Variants in NUBP1 observed in about 807,000 individuals in gnomAD.
NUBP1 encodes the protein cytosolic Fe-S cluster assembly factor NUBP1.
In NUBP1, 46 loss-of-function variants were observed where a neutral mutation model predicts 41.8. The observed-to-expected ratio is 1.10, with a 90% CI of 0.87 to 1.41. The LOEUF (loss-of-function observed/expected upper bound fraction) is 1.41. Among genes scored for constraint, NUBP1 ranks in the 40% most tolerant of loss-of-function variants. The pLI is 0.00. For synonymous variants in NUBP1, 189 were observed against 154.6 expected, an observed-to-expected ratio of 1.22 and a Z score of -1.65; for missense variants, 494 against 414.0, an observed-to-expected ratio of 1.19 and a Z score of -1.68.
intron 7 of NUBP1, 164 bp from the exon 8 acceptor site, chr16:10,761,200 G>A (rs893195924): frequency 5.5e-5 from 31 of 567,862 alleles, no homozygotes; most frequent in African/African-American, 2.1e-4. Flanking sequence ...ATTACAGTTC[G>A]AGCTGAGATT....
intron 5 of NUBP1, 36 bp from the exon 6 acceptor site, chr16:10,756,654 A>G: frequency 1.4e-6 from 2 of 1,474,408 alleles, no homozygotes; most frequent in Non-Finnish European, 1.8e-6. Context: ...GGTTTTGAGT[A>G]AAGCGTGTCT....
chr16:10,755,829 G>A (rs1234930887), intron 5 of NUBP1, 76 bp downstream of exon 5: 1 of 1,386,102 alleles, frequency 7.2e-7, no homozygotes, highest in Non-Finnish European at 1.0e-6. Flanking sequence ...TGGTTTGTTG[G>A]TCCATAGGTA....
chr16:10,744,903 G>T (rs1215925257), intron 2 of NUBP1, among the ~76,000 whole-genome samples: 1 of 151,768 alleles, frequency 6.6e-6, no homozygotes, highest in Non-Finnish European at 1.5e-5. Flanking sequence ...GACTACAGGC[G>T]CCTGCCACCA....
intron 9 of NUBP1, among the ~76,000 whole-genome samples, chr16:10,764,179 G>A (rs2030482660): frequency 6.6e-6 from 1 of 152,230 alleles, no homozygotes; most frequent in Non-Finnish European, 1.5e-5. Flanking sequence ...TCAGCCCACG[G>A]GAGCATCCCA....
chr16:10,747,816 G>A lies in NUBP1; in HGVS notation c.258+540G>A, dbSNP rs146357461. On this transcript the variant is annotated intron_variant, in intron 3 of 10. Transcript: ENST00000283027. ...GGATAGTTTATTACATTACGTTCAC[G>A]CTTCTTTTTCCTCTTTATTAACCCC... Among the ~76,000 whole-genome samples the A allele has an allele frequency of 7.2e-5, 11 of 152,190 alleles. 1 individual carries two copies. The South Asian group carries it at 8.3e-4, about 11-fold the overall frequency.
rs2030697348 is a variant in NUBP1 at position 10,765,288 on chromosome 16, T to A, written c.821-2661T>A. The A allele has an allele frequency of 7.3e-6, 1 of 137,514 alleles. No homozygotes were observed. Among genetic ancestry groups the A allele is most frequent in the African/African-American group, 2.8e-5 (1 of 35,674 alleles). The allele number at this position is 137,514 out of a possible 1,614,324, so 8.5% of individuals were successfully genotyped here. ...ACACACACACACACACACACAACCA[T>A]GCTCTAGCCTGGGTAACACAGGAAG... On this transcript the variant is annotated intron_variant, in intron 9 of 10. Coordinates refer to ENST00000283027, the MANE Select transcript of NUBP1 (RefSeq NM_002484.4). This position sits in a 1 kb window ranked among gnomAD's most constrained non-coding sequence, Gnocchi z 4.0.
intron 9 of NUBP1, 33 bp downstream of exon 9, chr16:10,761,892 T>C: frequency 6.5e-7 from 1 of 1,539,930 alleles, no homozygotes; most frequent in Non-Finnish European, 9.0e-7. Context: ...GGCACCTCAC[T>C]CCTCGGTCAG....
At chr16:10,756,033 A>G (rs537511562) in intron 5 of NUBP1, among the ~76,000 whole-genome samples, 7 of 152,214 alleles carry the variant, frequency 4.6e-5, no homozygotes, top group Non-Finnish European at 8.8e-5. Flanking sequence ...ACAAACACAG[A>G]TGGTGGGCCA....
chr16:10,761,036 A>G (rs1900926029), intron 7 of NUBP1: 1 of 233,032 alleles, frequency 4.3e-6, no homozygotes, highest in Non-Finnish European at 8.6e-6. Context: ...GCAGTGAGAG[A>G]GAGAGTGTGT....
At position 10,765,487 on chromosome 16, in the gene NUBP1, G is replaced by A. The variant is rs578099262; in HGVS notation, c.821-2462G>A. Among the ~76,000 whole-genome samples the A allele has an allele frequency of 5.3e-5, 8 of 152,134 alleles. No individual in the cohort carries two copies. The highest frequency in any genetic ancestry group is 3.9e-4 in the East Asian group (2 of 5,182). ...CACACCACTGCACTCCAGCCTGGGC[G>A]ACAGAGCAAGAACCTGTCTCAAAAA... On this transcript the variant is annotated intron_variant, in intron 9 of 10. Coordinates refer to ENST00000283027, the MANE Select transcript of NUBP1 (RefSeq NM_002484.4). The surrounding 1 kb of genome is among the most constrained non-coding windows in gnomAD (Gnocchi z 4.0).
In NUBP1 at chr16:10,769,094, A is replaced by G. The variant is rs1473529838; in HGVS notation, c.952A>G (p.Ile318Val). 1 of 1,613,652 alleles carries G rather than the reference A, an allele frequency of 6.2e-7. No individual in the cohort carries two copies. The highest frequency in any genetic ancestry group is 1.3e-5 in the African/African-American group (1 of 74,996). The change falls in exon 11 of 11, where the codon ATC becomes GTC. Residue 318 changes from isoleucine to valine, a missense_variant. By Grantham distance (29) the Ile-to-Val change is conservative (BLOSUM62 3). Transcript: ENST00000283027. ...NLHQSKEENL[I>V]SS ...CCATCAGTCAAAAGAAGAGAACCTC[A>G]TCAGTTCCTGAAACGAGAGAATGTT...
chr16:10,762,258 A>G (rs1042716794), intron 9 of NUBP1: 3 of 168,448 alleles, frequency 1.8e-5, no homozygotes, highest in Non-Finnish European at 2.6e-5. Flanking sequence ...TGCCCGGAGA[A>G]GCCAGCACGG....
intron 9 of NUBP1, among the ~76,000 whole-genome samples, chr16:10,762,508 C>G (rs11641556): frequency 7.2e-5 from 11 of 151,942 alleles, no homozygotes; most frequent in East Asian, 5.8e-4. Flanking sequence ...GGCCTACACT[C>G]GAAGCTGCTC....
chr16:10,753,125 T>A (rs1900399039), intron 4 of NUBP1, among the ~76,000 whole-genome samples: 1 of 143,036 alleles, frequency 7.0e-6, no homozygotes, highest in Non-Finnish European at 1.5e-5. Context: ...GAGGAGCTCA[T>A]ACATGCTCAG....
rs1900396174 is a variant in NUBP1, at chr16:10,753,079, C to T, written c.327+401C>T. Among the ~76,000 whole-genome samples the T allele has an allele frequency of 2.0e-5, 3 of 152,038 alleles. No homozygotes were observed. The South Asian group carries it at 6.2e-4, about 31-fold the overall frequency. On this transcript the variant is annotated intron_variant, in intron 4 of 10. Transcript: ENST00000283027. The stretch of plus-strand genomic sequence containing the variant: ...AAAGTGCTAGGATTACAGGCGTGAG[C>T]CACCGCACCTGGCCTGTAAATGTTT...
In NUBP1 at chr16:10,767,769, G is replaced by A. The variant is rs2031112684; in HGVS notation, c.821-180G>A. On this transcript the variant is annotated intron_variant, in intron 9 of 10. Coordinates refer to ENST00000283027, the MANE Select transcript of NUBP1 (RefSeq NM_002484.4). The surrounding 1 kb of genome is among the most constrained non-coding windows in gnomAD (Gnocchi z 4.6). Reference sequence around the variant, plus strand: ...TTAGCCACGCTGAAATGCTGGCTGGGGACCCTGCTGGAAGGAAGGTCCCTG... The same window carrying A: ...TTAGCCACGCTGAAATGCTGGCTGGAGACCCTGCTGGAAGGAAGGTCCCTG... 2 of 603,554 alleles carry A rather than the reference G, an allele frequency of 3.3e-6. No homozygotes were observed. Among genetic ancestry groups the A allele is most frequent in the Non-Finnish European group, 5.9e-6 (2 of 340,206 alleles). The allele number at this position is 603,554 out of a possible 1,614,324, so 37.4% of individuals were successfully genotyped here.
At position 10,769,151 on chromosome 16, in the gene NUBP1, A is replaced by C; in HGVS notation, c.*46A>C. 1.9e-6 allele frequency: 3 copies of C among 1,574,738 alleles called. No homozygotes were observed. The highest frequency in any genetic ancestry group is 2.6e-6 in the Non-Finnish European group (3 of 1,144,706). On this transcript the variant is annotated 3_prime_UTR_variant, in exon 11 of 11. Coordinates refer to ENST00000283027, the MANE Select transcript of NUBP1 (RefSeq NM_002484.4). Reference sequence around the variant, plus strand: ...CAAGCAGTTACCGAGCGAGGCACTCACTGGGCAGCACATCCAGCCAGACCC... The same window carrying C: ...CAAGCAGTTACCGAGCGAGGCACTCCCTGGGCAGCACATCCAGCCAGACCC...
rs1900364790 is a variant in NUBP1 at position 10,752,509 on chromosome 16, T to G, written c.259-101T>G. ...CAAGTTTAACCCAGTTTCTGTCTTCTCCCCTGTCCTTTTCCTCTAACCCCG... is the reference window on the plus strand; with the variant it reads ...CAAGTTTAACCCAGTTTCTGTCTTCGCCCCTGTCCTTTTCCTCTAACCCCG... On this transcript the variant is annotated intron_variant, in intron 3 of 10. Transcript: ENST00000283027. 5 of 868,490 alleles carry G rather than the reference T, an allele frequency of 5.8e-6. No homozygotes were observed. In the South Asian group the frequency reaches 7.1e-5, roughly 12 times the overall value. The allele number at this position is 868,490 out of a possible 1,614,324, so 53.8% of individuals were successfully genotyped here.
intron 9 of NUBP1, among the ~76,000 whole-genome samples, chr16:10,762,446 G>A (rs1394105434): frequency 1.3e-5 from 2 of 152,216 alleles, no homozygotes; most frequent in Non-Finnish European, 2.9e-5. Context: ...GGGGTTTCAC[G>A]TCTCCACCCA....
Sources: gnomAD v4.1 joint callset for allele counts (sites outside exome capture counted in the v4.1 genomes callset) on GRCh38, gnomAD v4.1.1 for gene constraint, Gnocchi (gnomAD v3.1) non-coding constraint, MANE v1.5 for transcripts, NCBI Gene and HGNC (gene_info 2026-07-23, HGNC 2026-07-21) for gene names.